The following PTPRD variants were observed in gnomAD, a reference collection of about 807,000 sequenced individuals.
PTPRD encodes the protein protein tyrosine phosphatase receptor type D, also known as receptor-type tyrosine-protein phosphatase delta.
Under a neutral mutation model 214.5 loss-of-function variants are expected in PTPRD, and 34 were observed. The observed-to-expected ratio is 0.16, with a 90% CI of 0.12 to 0.21. PTPRD has a LOEUF of 0.21. Among genes scored for constraint, PTPRD ranks in the 10% least tolerant of loss-of-function variants. PTPRD has a pLI of 1.00. For missense variants in PTPRD, 2,545 were observed against 2,398.7 expected (o/e 1.06, Z -1.27); for synonymous variants, 1,128 against 845.7 (o/e 1.33, Z -5.79).
intron 12 of PTPRD, among the ~76,000 whole-genome samples, chr9:8,678,523 T>C (rs903598551): frequency 2.0e-5 from 3 of 152,134 alleles, no homozygotes; most frequent in African/African-American, 7.2e-5. Context: ...AGAATTCAAG[T>C]TTAACGAGGG....
chr9:8,963,294 A>T (rs1481640992), intron 11 of PTPRD, among the ~76,000 whole-genome samples: 1 of 152,164 alleles, frequency 6.6e-6, no homozygotes, highest in African/African-American at 2.4e-5. Context: ...AGTGGTTTGG[A>T]ATCAGGAAGT....
intron 11 of PTPRD, among the ~76,000 whole-genome samples, chr9:9,011,413 A>G (rs1416707631): frequency 6.6e-6 from 1 of 152,214 alleles, no homozygotes; most frequent in Non-Finnish European, 1.5e-5. Context: ...ACTGCAGCAT[A>G]TAATTACATA....
intron 8 of PTPRD, among the ~76,000 whole-genome samples, chr9:9,485,511 T>C (rs945752259): frequency 1.3e-5 from 2 of 152,218 alleles, no homozygotes; most frequent in Non-Finnish European, 2.9e-5. Context: ...TTTTAGTGTA[T>C]GTTTATATAA....
At chr9:9,510,927 A>G (rs1045489882) in intron 8 of PTPRD, among the ~76,000 whole-genome samples, 2 of 151,750 alleles carry the variant, frequency 1.3e-5, no homozygotes, top group African/African-American at 4.8e-5. Context: ...TTCTCCATTT[A>G]ATTTTTCTAA....
intron 7 of PTPRD, among the ~76,000 whole-genome samples, chr9:9,688,101 G>A (rs1177116787): frequency 6.6e-6 from 1 of 151,716 alleles, no homozygotes; most frequent in South Asian, 2.1e-4. Context: ...CTTCTGCCAC[G>A]ACTGTAAGTT....
intron 34 of PTPRD, among the ~76,000 whole-genome samples, chr9:8,443,293 C>T (rs892451605): frequency 2.6e-5 from 4 of 152,050 alleles, no homozygotes; most frequent in Admixed American, 1.3e-4. Context: ...GGTCATATGC[C>T]TAAATTCCTT....
intron 8 of PTPRD, among the ~76,000 whole-genome samples, chr9:9,507,637 T>G (rs1046643411): frequency 1.3e-5 from 2 of 151,506 alleles, no homozygotes; most frequent in Non-Finnish European, 3.0e-5. Context: ...CTTGTGATTC[T>G]ATTGAATTGT....
intron 9 of PTPRD, among the ~76,000 whole-genome samples, chr9:9,256,422 T>C (rs1384230383): frequency 6.6e-6 from 1 of 152,028 alleles, no homozygotes; most frequent in African/African-American, 2.4e-5. Flanking sequence ...CTCTTTTTTT[T>C]CCATTTTTGT....
Position 9,123,948 on chromosome 9 carries a change from A to G in PTPRD, c.-143+59356T>C, listed in dbSNP as rs77997100. ...ATATCTAAGCTAAAGCACACCTCAGAAAAAGTAAATTGACCAGTGGGCAGC... is the reference window on the plus strand; with the variant it reads ...ATATCTAAGCTAAAGCACACCTCAGGAAAAGTAAATTGACCAGTGGGCAGC... On this transcript the variant is annotated intron_variant, in intron 10 of 45. Coordinates refer to ENST00000381196, the MANE Select transcript of PTPRD (RefSeq NM_002839.4). Among the ~76,000 whole-genome samples the G allele has an allele frequency of 2.9e-3, 445 of 152,210 alleles. 3 individuals are homozygous for G. Among genetic ancestry groups the G allele is most frequent in the African/African-American group, 0.01 (417 of 41,534 alleles).
intron 44 of PTPRD, among the ~76,000 whole-genome samples, chr9:8,328,598 T>C (rs528801427): frequency 8.8e-6 from 1 of 113,060 alleles, no homozygotes; most frequent in Non-Finnish European, 1.7e-5. Flanking sequence ...TTCTTCTGGA[T>C]AATATCCTGA....
chr9:8,906,190 C>G (rs761949603), intron 11 of PTPRD, among the ~76,000 whole-genome samples: 1 of 152,114 alleles, frequency 6.6e-6, no homozygotes, highest in Non-Finnish European at 1.5e-5. Context: ...CTTTTGAGTG[C>G]CATTAAAACA....
chr9:9,090,350 G>A (rs1428638191), intron 10 of PTPRD, among the ~76,000 whole-genome samples: 2 of 152,052 alleles, frequency 1.3e-5, no homozygotes, highest in African/African-American at 4.8e-5. Context: ...TTAACATAAT[G>A]ACCTCCAGTT....
chr9:9,301,753 T>A (rs117551690), intron 9 of PTPRD, among the ~76,000 whole-genome samples: 10,851 of 151,896 alleles, frequency 0.071, 413 homozygotes, highest in Middle Eastern at 0.17. Flanking sequence ...ATTATAGGTA[T>A]AATGGTCATT....
intron 44 of PTPRD, among the ~76,000 whole-genome samples, chr9:8,331,377 ATTT>A (rs1275690581): frequency 6.6e-6 from 1 of 150,466 alleles, no homozygotes; most frequent in African/African-American, 2.5e-5. Context: ...GGGGATAAAC[ATTT>A]TTTTGGGGCT....
chr9:8,660,093 G>GT lies in PTPRD; in HGVS notation c.65-23250dup, dbSNP rs113155270. 8.9e-3 allele frequency among the ~76,000 whole-genome samples: 1,355 copies of GT among 152,278 alleles called. 14 individuals carry two copies. Among genetic ancestry groups the GT allele is most frequent in the African/African-American group, 0.03 (1,263 of 41,562 alleles). On this transcript the variant is annotated intron_variant, in intron 12 of 45. Coordinates refer to ENST00000381196, the MANE Select transcript of PTPRD (RefSeq NM_002839.4). ...CCACTTCCTAATGAATTGCAAATGT[G>GT]TTTTTCAGAAATTATTTTCCCAAAA...
intron 23 of PTPRD, among the ~76,000 whole-genome samples, chr9:8,501,589 C>G (rs2137032393): frequency 1.3e-5 from 2 of 152,294 alleles, no homozygotes; most frequent in South Asian, 4.1e-4. Context: ...GCCCTTCTAC[C>G]AGTTCCAATT....
At chr9:10,228,155 C>T (rs4143462) in intron 3 of PTPRD, among the ~76,000 whole-genome samples, 62 of 121,864 alleles carry the variant, frequency 5.1e-4, no homozygotes, top group Admixed American at 2.2e-3. Flanking sequence ...TACTTCATTT[C>T]CAATAAAATC....
rs554022254 is a variant in PTPRD at position 8,662,418 on chromosome 9, G to C, written c.65-25574C>G. ...GATCAAGAGACAAGGAAGCATCTCT[G>C]CTGCTGGTTATGTTCATGGTATGGT... On this transcript the variant is annotated intron_variant, in intron 12 of 45. Coordinates refer to ENST00000381196, the MANE Select transcript of PTPRD (RefSeq NM_002839.4). 8.5e-5 allele frequency among the ~76,000 whole-genome samples: 13 copies of C among 152,324 alleles called. No homozygotes were observed. The South Asian group carries it at 2.3e-3, about 27-fold the overall frequency.
intron 2 of PTPRD, among the ~76,000 whole-genome samples, chr9:10,389,834 C>A (rs867956584): frequency 6.6e-6 from 1 of 151,854 alleles, no homozygotes; most frequent in African/African-American, 2.4e-5. Flanking sequence ...GTCATCTATT[C>A]GAGATCCTTC....
Sources: allele counts gnomAD v4.1 joint callset (sites outside exome capture counted in the v4.1 genomes callset), GRCh38; gene constraint gnomAD v4.1.1; transcripts MANE v1.5; gene names NCBI Gene and HGNC (gene_info 2026-07-23, HGNC 2026-07-21).